Variants in DAPK1 observed in about 807,000 individuals in gnomAD.
DAPK1 encodes the protein death associated protein kinase 1, also known as death-associated protein kinase 1.
DAPK1 carries 56 observed loss-of-function variants against 144.9 expected under a neutral mutation model. That is an observed-to-expected ratio of 0.39 (90% CI 0.31 to 0.48). The LOEUF is 0.48. DAPK1 is among the 20% of genes least tolerant of loss of function. The probability of loss-of-function intolerance (pLI) is 0.95; values close to 1 mark genes in which losing one functional copy is unlikely to be tolerated. For missense variants in DAPK1, 1,454 were observed against 1,875.4 expected, an observed-to-expected ratio of 0.78 and a Z score of 4.15; for synonymous variants, 690 against 749.0, an observed-to-expected ratio of 0.92 and a Z score of 1.29.
At chr9:87,697,363 T>G (rs1825296891) in intron 22 of DAPK1, among the ~76,000 whole-genome samples, 159 bp downstream of exon 22, 2 of 152,232 alleles carry the variant, frequency 1.3e-5, no homozygotes, top group African/African-American at 4.8e-5. Context: ...CTGAGCCAAC[T>G]TCCTTTCTCC....
chr9:87,688,725 A>C (rs1381380512), intron 21 of DAPK1, among the ~76,000 whole-genome samples: 1 of 152,070 alleles, frequency 6.6e-6, no homozygotes, highest in African/African-American at 2.4e-5. Flanking sequence ...GGCTACTTGT[A>C]TGTCTTCTTT....
chr9:87,518,574 T>TA (rs1193423383), intron 2 of DAPK1, among the ~76,000 whole-genome samples: 2 of 152,230 alleles, frequency 1.3e-5, no homozygotes, highest in African/African-American at 4.8e-5. Flanking sequence ...AACTGTTTAC[T>TA]AGGTGGGTCT....
intron 2 of DAPK1, among the ~76,000 whole-genome samples, chr9:87,506,525 A>C (rs1459134743): frequency 6.6e-6 from 1 of 152,212 alleles, no homozygotes; most frequent in Non-Finnish European, 1.5e-5. Context: ...TTAACTTTTG[A>C]GTTATGTAAT....
At chr9:87,545,564 G>A (rs938597936) in intron 2 of DAPK1, among the ~76,000 whole-genome samples, 1 of 151,922 alleles carries the variant, frequency 6.6e-6, no homozygotes, top group African/African-American at 2.4e-5. Context: ...ATTTTTTTTT[G>A]AGATGGAGTT....
chr9:87,592,508 G>A (rs566012517), intron 2 of DAPK1, among the ~76,000 whole-genome samples: 3 of 152,292 alleles, frequency 2.0e-5, no homozygotes, highest in South Asian at 2.1e-4. Flanking sequence ...ACTCCAAACC[G>A]CATTCGCACA....
chr9:87,590,747 C>T (rs1431100468), intron 2 of DAPK1, among the ~76,000 whole-genome samples: 2 of 152,240 alleles, frequency 1.3e-5, no homozygotes, highest in East Asian at 3.9e-4. Context: ...ACCACAAGCC[C>T]AGCTAATTTT....
Position 87,704,784 on chromosome 9 carries a change from C to T in DAPK1, c.3061-1348C>T, listed in dbSNP as rs1051584894. Among the ~76,000 whole-genome samples, 5 of 152,118 alleles carry T rather than the reference C, an allele frequency of 3.3e-5. No homozygotes were observed. In the East Asian group the frequency reaches 9.6e-4, roughly 29 times the overall value. On this transcript the variant is annotated intron_variant, in intron 25 of 25. Transcript: ENST00000408954. ...GAATAGACTCTTAGACAGGGGGCAT[C>T]TTTCAGGTTTAAGCCAGACTGTGGG...
At chr9:87,648,703 G>A in intron 14 of DAPK1, 78 bp from the exon 15 acceptor site, 1 of 1,273,520 alleles carries the variant, frequency 7.9e-7, no homozygotes. Context: ...GGCAGGCCTG[G>A]GTGTAGGCCT....
intron 2 of DAPK1, among the ~76,000 whole-genome samples, chr9:87,581,056 G>A (rs917787765): frequency 1.3e-5 from 2 of 152,194 alleles, no homozygotes; most frequent in African/African-American, 2.4e-5. Flanking sequence ...TAGCTATCGC[G>A]TAACTTATCT....
chr9:87,564,586 G>C (rs1827047697), intron 2 of DAPK1, among the ~76,000 whole-genome samples: 1 of 151,558 alleles, frequency 6.6e-6, no homozygotes. Flanking sequence ...TGGGGAGGGA[G>C]GGAGGGGGAG....
chr9:87,502,154 A>G (rs1824427474), intron 2 of DAPK1, among the ~76,000 whole-genome samples: 1 of 152,078 alleles, frequency 6.6e-6, no homozygotes, highest in Non-Finnish European at 1.5e-5. Flanking sequence ...GGGATGCCTT[A>G]TAGGAAAAGG....
chr9:87,680,925 A>T (rs891687484), intron 19 of DAPK1, among the ~76,000 whole-genome samples: 1 of 152,198 alleles, frequency 6.6e-6, no homozygotes, highest in Non-Finnish European at 1.5e-5. Flanking sequence ...ACAGTTGAAA[A>T]TGGTGACTTT....
intron 19 of DAPK1, among the ~76,000 whole-genome samples, chr9:87,672,074 G>A (rs1760614050): frequency 2.0e-5 from 3 of 152,180 alleles, no homozygotes; most frequent in Non-Finnish European, 2.9e-5. Flanking sequence ...TCCCACGACC[G>A]TGATAAGGGT....
At chr9:87,653,929 A>G (rs1830544532) in intron 17 of DAPK1, among the ~76,000 whole-genome samples, 1 of 152,094 alleles carries the variant, frequency 6.6e-6, no homozygotes, top group Non-Finnish European at 1.5e-5. Context: ...CCTGACCTCA[A>G]GTGATCTGCC....
At chr9:87,681,748 G>A (rs1050051189) in intron 20 of DAPK1, 122 bp downstream of exon 20, 5 of 690,002 alleles carry the variant, frequency 7.2e-6, no homozygotes, top group African/African-American at 7.0e-5. Context: ...GGACCCTGTG[G>A]CCTTAGTGGT....
At chr9:87,571,498 AACACACACACACACACACACAC>A (rs768913480) in intron 2 of DAPK1, among the ~76,000 whole-genome samples, 3 of 46,484 alleles carry the variant, frequency 6.5e-5, no homozygotes, top group Admixed American at 2.8e-4. Flanking sequence ...CACACACCCC[AACACACACACACACACACACAC>A]ACACACACCA....
chr9:87,594,076 G>T (rs1468691551), intron 2 of DAPK1, among the ~76,000 whole-genome samples: 1 of 152,142 alleles, frequency 6.6e-6, no homozygotes. Context: ...CTGTATAAGG[G>T]CATTTTAGTC....
chr9:87,508,550 G>A (rs1001984179), intron 2 of DAPK1, among the ~76,000 whole-genome samples: 35 of 151,876 alleles, frequency 2.3e-4, no homozygotes, highest in Non-Finnish European at 4.9e-4. Context: ...CACCGTGTTA[G>A]CCAGGATGGT....
At chr9:87,500,737 G>A (rs1231657818) in intron 2 of DAPK1, among the ~76,000 whole-genome samples, 2 of 149,614 alleles carry the variant, frequency 1.3e-5, no homozygotes, top group Non-Finnish European at 3.0e-5. Flanking sequence ...TGAGGGGAGG[G>A]AGGTGGCTTA....
Sources: gnomAD v4.1 joint callset for allele counts (sites outside exome capture counted in the v4.1 genomes callset) on GRCh38, gnomAD v4.1.1 for gene constraint, MANE v1.5 for transcripts, NCBI Gene and HGNC (gene_info 2026-07-23, HGNC 2026-07-21) for gene names.